Variants in AGL observed in about 807,000 individuals in gnomAD.
AGL encodes the protein glycogen debranching enzyme.
Under a neutral mutation model 199.3 loss-of-function variants are expected in AGL, and 128 were observed. That is an observed-to-expected ratio of 0.64 (90% CI 0.56 to 0.74). The LOEUF (loss-of-function observed/expected upper bound fraction) is 0.74, where lower values mean the gene tolerates loss of function less well. Among genes scored for constraint, AGL ranks in the 30% least tolerant of loss-of-function variants. The pLI is 0.00. For synonymous variants in AGL, 584 were observed against 594.7 expected (o/e 0.98, Z 0.26); for missense variants, 1,809 against 1,820.8 (o/e 0.99, Z 0.12).
intron 11 of AGL, 61 bp downstream of exon 11, chr1:99,876,658 A>C: frequency 6.3e-7 from 1 of 1,585,730 alleles, no homozygotes. Context: ...AGGTCAAAAT[A>C]AAATCTGCTT....
chr1:99,857,847 A>AGAGGGAGGCCGTGGGGGGGGGGTGGGGGG (rs1557743553), intron 2 of AGL, among the ~76,000 whole-genome samples: 1 of 8,226 alleles, frequency 1.2e-4, no homozygotes, highest in Non-Finnish European at 2.4e-4. Flanking sequence ...GGGGAGGGGG[A>AGAGGGAGGCCGTGGGGGGGGGGTGGGGGG]GGGGGGAAGA....
chr1:99,915,110 T>A (rs1459993198), intron 30 of AGL, among the ~76,000 whole-genome samples: 1 of 152,126 alleles, frequency 6.6e-6, no homozygotes, highest in Admixed American at 6.5e-5. Flanking sequence ...GTGTTCTGCC[T>A]TCAGTGTAGC....
chr1:99,856,431 T>G (rs1411925221), intron 2 of AGL, among the ~76,000 whole-genome samples: 31 of 148,386 alleles, frequency 2.1e-4, no homozygotes, highest in African/African-American at 7.1e-4. Context: ...TTCTTTTCTT[T>G]TCTTGTATTT....
At chr1:99,856,346 CCCTCCCTCCCTCCCTCCCTTCCTT>C (rs1649442577) in intron 2 of AGL, among the ~76,000 whole-genome samples, 1 of 42,590 alleles carries the variant, frequency 2.3e-5, no homozygotes, top group Admixed American at 2.3e-4. Flanking sequence ...CTCCCTCCCT[CCCTCCCTCCCTCCCTCCCTTCCTT>C]CCTCCCTTCC....
At chr1:99,911,318 C>T (rs1046916006) in intron 28 of AGL, among the ~76,000 whole-genome samples, 1 of 152,176 alleles carries the variant, frequency 6.6e-6, no homozygotes, top group Admixed American at 6.5e-5. Flanking sequence ...CTAAATACAT[C>T]ATCATAAGCT....
At chr1:99,868,205 A>G (rs978264937) in intron 5 of AGL, among the ~76,000 whole-genome samples, 2 of 152,250 alleles carry the variant, frequency 1.3e-5, no homozygotes, top group African/African-American at 4.8e-5. Flanking sequence ...CTCTTCTTTC[A>G]TGTAGAATTA....
intron 21 of AGL, among the ~76,000 whole-genome samples, 155 bp downstream of exon 21, chr1:99,888,263 AAC>A (rs1652611373): frequency 6.6e-6 from 1 of 152,182 alleles, no homozygotes; most frequent in South Asian, 2.1e-4. Flanking sequence ...CAAGTAATAT[AAC>A]CTCTTTGTGT....
At chr1:99,850,889 C>A (rs1340878464) in intron 1 of AGL, 86 bp from the exon 2 acceptor site, 8 of 735,052 alleles carry the variant, frequency 1.1e-5, no homozygotes, top group Non-Finnish European at 2.0e-5. Context: ...ATAAAACACA[C>A]TTCGAACATG....
At chr1:99,858,887 A>C (rs1164976723) in intron 2 of AGL, among the ~76,000 whole-genome samples, 1 of 151,896 alleles carries the variant, frequency 6.6e-6, no homozygotes, top group African/African-American at 2.4e-5. Flanking sequence ...TATATTTTAT[A>C]ATTTACATAA....
intron 24 of AGL, 44 bp from the exon 25 acceptor site, chr1:99,896,242 A>G (rs372320565): frequency 1.4e-4 from 209 of 1,471,732 alleles, no homozygotes; most frequent in Non-Finnish European, 1.9e-4. Context: ...GTTTGTGTGT[A>G]TTATTATGAT....
At position 99,884,351 on chromosome 1, in the gene AGL, A is replaced by G. The variant is rs1652283067; in HGVS notation, c.2446A>G (p.Lys816Glu). The G allele has an allele frequency of 1.9e-6, 3 of 1,613,330 alleles. No individual in the cohort carries two copies. The highest frequency in any genetic ancestry group is 2.5e-6 in the Non-Finnish European group (3 of 1,179,530). The part of the protein sequence containing the change: ...IREHIQLNES[K>E]IVKQAGVATK... Reference sequence around the variant, plus strand: ...ACTTTTTTTCAAGCTTAATGAAAGTAAAATTGTTAAACAAGCTGGAGTTGC... The same window carrying G: ...ACTTTTTTTCAAGCTTAATGAAAGTGAAATTGTTAAACAAGCTGGAGTTGC... The change falls in exon 19 of 34, where the codon AAA (lysine) becomes GAA (glutamate). Residue 816 changes from lysine (K) to glutamate (E), a missense_variant. Physicochemically the swap from Lys to Glu is moderately conservative, Grantham distance 56. Transcript: ENST00000361915.
In AGL at chr1:99,915,391, C is replaced by G. The variant is rs142809832; in HGVS notation, c.4164C>G (p.Ala1388=). 1.1e-4 allele frequency: 174 copies of G among 1,613,114 alleles called. No individual in the cohort carries two copies. Among genetic ancestry groups the G allele is most frequent in the Admixed American group, 2.7e-4 (16 of 59,902 alleles). ...RPNFTIAMVV[A]PELFTTEKAW... ...TATTTGTTTTTGGCATTCACTAGGC[C>G]CCTGAGCTCTTTACTACAGAAAAAG... The change falls in exon 31 of 34, where the codon GCC becomes GCG. Residue 1388 remains alanine (A), a splice_region_variant and synonymous_variant. Coordinates refer to ENST00000361915, the MANE Select transcript of AGL (RefSeq NM_000642.3).
chr1:99,876,181 A>G (rs113566769), intron 10 of AGL, among the ~76,000 whole-genome samples: 20 of 152,304 alleles, frequency 1.3e-4, no homozygotes, highest in South Asian at 4.1e-4. Flanking sequence ...AGCTGCCTCA[A>G]TGATTTTTTA....
rs375951957 is a variant in AGL, at chr1:99,921,633, G to T, written c.4581G>T (p.Glu1527Asp). Reference sequence around the variant, plus strand: ...CCTGGTCAATTGCTACTATTCTTGAGACACTTTATGATTTATAGTTTATTA... The same window carrying T: ...CCTGGTCAATTGCTACTATTCTTGATACACTTTATGATTTATAGTTTATTA... ...TQAWSIATILETLYDL is the reference protein window; with the variant it reads ...TQAWSIATILDTLYDL Residue 1527 changes from glutamate to aspartate, a missense_variant, in exon 34 of 34, where the codon GAG becomes GAT. Physicochemically the swap from Glu to Asp is conservative, Grantham distance 45. Coordinates refer to ENST00000361915, the MANE Select transcript of AGL (RefSeq NM_000642.3). The T allele has an allele frequency of 1.5e-5, 24 of 1,607,164 alleles. No individual in the cohort carries two copies. The highest frequency in any genetic ancestry group is 2.0e-5 in the Non-Finnish European group (23 of 1,174,366).
At chr1:99,849,822 G>C (rs1648780132), upstream of AGL, among the ~76,000 whole-genome samples, 1 of 152,222 alleles carries the variant, frequency 6.6e-6, no homozygotes, top group Non-Finnish European at 1.5e-5. Flanking sequence ...TCACCATTCA[G>C]CCCTTCCCAG....
Position 99,913,542 on chromosome 1 carries a change from T to C in AGL, c.3965T>C (p.Val1322Ala). ...TVKRHGKAIKVSYDEWNRKIQ... is the reference protein window; with the variant it reads ...TVKRHGKAIKASYDEWNRKIQ... ...CATTTTTCAGGAAAGGCTATAAAGG[T>C]CTCATATGATGAGTGGAACAGAAAA... Residue 1322 changes from valine (V) to alanine (A), a missense_variant, in exon 30 of 34, where the codon GTC (valine) becomes GCC (alanine). Coordinates refer to ENST00000361915, the MANE Select transcript of AGL (RefSeq NM_000642.3). The C allele has an allele frequency of 6.2e-7, 1 of 1,613,190 alleles. No individual in the cohort carries two copies. The highest frequency in any genetic ancestry group is 8.5e-7 in the Non-Finnish European group (1 of 1,179,338).
chr1:99,897,344 AG>A (rs1653413645), intron 25 of AGL, among the ~76,000 whole-genome samples: 1 of 152,196 alleles, frequency 6.6e-6, no homozygotes, highest in Non-Finnish European at 1.5e-5. Context: ...TGTTTTCACA[AG>A]GTCTCTGGAT....
intron 26 of AGL, among the ~76,000 whole-genome samples, chr1:99,901,478 TG>T (rs905993257): frequency 6.6e-6 from 1 of 152,056 alleles, no homozygotes; most frequent in African/African-American, 2.4e-5. Flanking sequence ...ATAGTGTTTT[TG>T]TAAGAGCCTA....
chr1:99,917,574 AT>A (rs2100881116), intron 33 of AGL, among the ~76,000 whole-genome samples: 1 of 152,282 alleles, frequency 6.6e-6, no homozygotes, highest in East Asian at 1.9e-4. Context: ...AAATTGTGAA[AT>A]TTAAATGTTT....
Sources: allele counts gnomAD v4.1 joint callset (sites outside exome capture counted in the v4.1 genomes callset), GRCh38; gene constraint gnomAD v4.1.1; transcripts MANE v1.5; gene names NCBI Gene and HGNC (gene_info 2026-07-23, HGNC 2026-07-21).